The following CREB5 variants were observed in gnomAD, a reference collection of about 807,000 sequenced individuals.
The protein encoded by CREB5 is cAMP responsive element binding protein 5.
CREB5 carries 19 observed loss-of-function variants against 57.1 expected under a neutral mutation model. The observed-to-expected ratio is 0.33, with a 90% CI of 0.23 to 0.49. CREB5 has a LOEUF of 0.49. Ranked by LOEUF, CREB5 falls within the 20% of genes least tolerant of loss-of-function variation. The pLI is 0.99. For synonymous variants in CREB5, 238 were observed against 238.3 expected (o/e 1.00, Z 0.01); for missense variants, 579 against 671.6 (o/e 0.86, Z 1.52).
intron 10 of CREB5, chr7:28,818,708 G>A: frequency 2.2e-6 from 1 of 458,990 alleles, no homozygotes. Context: ...GGGATGGTGG[G>A]AGGAGCAGGG....
chr7:28,402,924 G>A (rs970830247), intron 1 of CREB5, among the ~76,000 whole-genome samples: 1 of 152,154 alleles, frequency 6.6e-6, no homozygotes, highest in Non-Finnish European at 1.5e-5. Flanking sequence ...CAGTCTAGTT[G>A]TCTCTTGTTA....
chr7:28,787,364 AG>A (rs1807392214), intron 7 of CREB5, among the ~76,000 whole-genome samples: 1 of 152,214 alleles, frequency 6.6e-6, no homozygotes, highest in Non-Finnish European at 1.5e-5. Flanking sequence ...ACTAGTCCCT[AG>A]GGCAGCAGAG....
Position 28,765,888 on chromosome 7 carries a change from C to T in CREB5, c.703-38311C>T, listed in dbSNP as rs370082926. 4.6e-5 allele frequency among the ~76,000 whole-genome samples: 7 copies of T among 152,288 alleles called. No individual in the cohort carries two copies. The East Asian group carries it at 1.2e-3, about 25-fold the overall frequency. The stretch of plus-strand genomic sequence containing the variant: ...GGTGGCAGAGAACTGCAGCTATTGC[C>T]CGTGTGCAGGACAGTTCGAGAATTA... On this transcript the variant is annotated intron_variant, in intron 7 of 10. Transcript: ENST00000357727.
At chr7:28,701,526 A>G (rs892252220) in intron 5 of CREB5, among the ~76,000 whole-genome samples, 1 of 152,156 alleles carries the variant, frequency 6.6e-6, no homozygotes, top group African/African-American at 2.4e-5. Context: ...TTTTTCTTAT[A>G]AAAGGTTGAT....
chr7:28,431,064 C>A (rs1188830913), intron 1 of CREB5, among the ~76,000 whole-genome samples: 1 of 152,176 alleles, frequency 6.6e-6, no homozygotes, highest in African/African-American at 2.4e-5. Flanking sequence ...GGGGAGCTTA[C>A]AGTATGACAG....
chr7:28,581,797 G>A (rs1796133711), intron 5 of CREB5, among the ~76,000 whole-genome samples: 1 of 152,180 alleles, frequency 6.6e-6, no homozygotes, highest in African/African-American at 2.4e-5. Flanking sequence ...GGAAGACCCG[G>A]GTGACCTCAC....
intron 1 of CREB5, among the ~76,000 whole-genome samples, chr7:28,451,927 A>G (rs1434620007): frequency 6.6e-6 from 1 of 152,226 alleles, no homozygotes; most frequent in Non-Finnish European, 1.5e-5. Context: ...TTCACATTGA[A>G]CATATACATA....
At chr7:28,740,724 T>C (rs556632859) in intron 7 of CREB5, among the ~76,000 whole-genome samples, 104 of 152,340 alleles carry the variant, frequency 6.8e-4, no homozygotes, top group African/African-American at 2.4e-3. Context: ...TGCGTCTTCG[T>C]TCTTTTCCGG....
intron 5 of CREB5, among the ~76,000 whole-genome samples, chr7:28,704,008 T>C (rs1801986808): frequency 1.3e-5 from 2 of 152,138 alleles, no homozygotes; most frequent in Admixed American, 6.5e-5. Context: ...TACTATGAAG[T>C]AGTGAAATGT....
intron 1 of CREB5, among the ~76,000 whole-genome samples, chr7:28,487,662 G>C (rs1791624215): frequency 6.6e-6 from 1 of 152,200 alleles, no homozygotes; most frequent in Non-Finnish European, 1.5e-5. Context: ...GTAGTCCCTT[G>C]GGAATGCTGA....
At chr7:28,645,574 A>G (rs746917543) in intron 5 of CREB5, among the ~76,000 whole-genome samples, 2 of 152,212 alleles carry the variant, frequency 1.3e-5, no homozygotes, top group Non-Finnish European at 2.9e-5. Context: ...ATATTTAATC[A>G]TATGTTATGA....
At chr7:28,698,856 T>C (rs1801704201) in intron 5 of CREB5, among the ~76,000 whole-genome samples, 1 of 152,182 alleles carries the variant, frequency 6.6e-6, no homozygotes, top group Admixed American at 6.5e-5. Context: ...AGGAGCAACA[T>C]AGTAAGGATC....
chr7:28,581,465 G>C (rs907729641), intron 5 of CREB5, among the ~76,000 whole-genome samples: 2 of 152,156 alleles, frequency 1.3e-5, no homozygotes, highest in Admixed American at 6.5e-5. Flanking sequence ...CCGTAGACTT[G>C]GTTGGTTCCT....
chr7:28,556,215 A>G (rs1440712318), intron 4 of CREB5, among the ~76,000 whole-genome samples: 1 of 152,202 alleles, frequency 6.6e-6, no homozygotes, highest in African/African-American at 2.4e-5. Context: ...GTACATAAAC[A>G]CCAGGTGCCA....
chr7:28,409,790 C>G (rs761997468), upstream of CREB5: 3 of 445,666 alleles, frequency 6.7e-6, no homozygotes, highest in East Asian at 7.3e-5. The surrounding 1 kb of genome is among the most constrained non-coding windows in gnomAD (Gnocchi z 4.4). Flanking sequence ...GGGATGCTAA[C>G]GTGGAGCCGG....
At chr7:28,597,971 C>T (rs146331569) in intron 5 of CREB5, among the ~76,000 whole-genome samples, 13 of 150,364 alleles carry the variant, frequency 8.6e-5, no homozygotes, top group African/African-American at 2.9e-4. Context: ...TGTTGATTTC[C>T]CTCAAAAGGA....
At chr7:28,351,183 G>A (rs534903053) in intron 1 of CREB5, among the ~76,000 whole-genome samples, 1 of 152,278 alleles carries the variant, frequency 6.6e-6, no homozygotes, top group South Asian at 2.1e-4. Flanking sequence ...AGTGAAAATG[G>A]CATTTTCAAT....
chr7:28,399,393 A>G lies in CREB5; in HGVS notation c.-24-95513A>G, dbSNP rs555595502. 2.0e-5 allele frequency among the ~76,000 whole-genome samples: 3 copies of G among 149,364 alleles called. No homozygotes were observed. In the South Asian group the frequency reaches 6.5e-4, roughly 32 times the overall value. On this transcript the variant is annotated intron_variant, in intron 1 of 9. Coordinates refer to the CREB5 transcript ENST00000396299. ...ACATCACATTACCTGACTTCAAACT[A>G]TATTACAAAACAGCATCATTCTGGT...
intron 1 of CREB5, among the ~76,000 whole-genome samples, chr7:28,359,676 T>C (rs1211156176): frequency 6.6e-6 from 1 of 152,172 alleles, no homozygotes; most frequent in African/African-American, 2.4e-5. Flanking sequence ...ATCGTTTGCA[T>C]TGGACCTCAA....
Sources: allele counts gnomAD v4.1 joint callset (sites outside exome capture counted in the v4.1 genomes callset), GRCh38; gene constraint gnomAD v4.1.1; non-coding constraint Gnocchi (gnomAD v3.1); transcripts MANE v1.5; gene names NCBI Gene and HGNC (gene_info 2026-07-23, HGNC 2026-07-21).